The following SH2D6 variants were observed in gnomAD, a reference collection of about 807,000 sequenced individuals.
SH2D6 encodes the protein SH2 domain-containing protein 6.
Under a neutral mutation model 30.2 loss-of-function variants are expected in SH2D6, and 31 were observed. The ratio of observed to expected loss-of-function variants is 1.03; its 90% CI spans 0.77 to 1.38. The LOEUF (loss-of-function observed/expected upper bound fraction) is 1.38, where lower values mean the gene tolerates loss of function less well. SH2D6 is among the 40% of genes most tolerant of loss of function. SH2D6 has a pLI of 0.00. For synonymous variants in SH2D6, 93 were observed against 104.6 expected (o/e 0.89, Z 0.68); for missense variants, 240 against 266.8 (o/e 0.90, Z 0.70).
rs953855560 is a variant in SH2D6 at position 85,422,286 on chromosome 2, A to C, written c.-493A>C. 1.3e-5 allele frequency: 2 copies of C among 152,110 alleles called. No homozygotes were observed. The highest frequency in any genetic ancestry group is 2.9e-5 in the Non-Finnish European group (2 of 68,028). The allele number at this position is 152,110 out of a possible 1,614,324, so 9.4% of individuals were successfully genotyped here. A position where few individuals can be genotyped will look rare whatever the true frequency, so the allele number is the denominator to read the frequency against. ...TGAGGCAGGAGGATTGCTTGAGCCC[A>C]GAAGTTCAAGACCAGCCTGGACAAC... is the stretch of plus-strand genomic sequence containing the variant. On this transcript the variant is annotated 5_prime_UTR_variant, in exon 3 of 24. Coordinates refer to ENST00000469800, the MANE Select transcript of SH2D6 (RefSeq NM_001394463.1).
intron 22 of SH2D6, 45 bp downstream of exon 22, chr2:85,435,869 A>C (rs1002948345): frequency 6.6e-7 from 1 of 1,518,266 alleles, no homozygotes; most frequent in African/African-American, 1.4e-5. Flanking sequence ...ACCACAGAGC[A>C]GTACCCCAGG....
At chr2:85,424,425 T>C (rs887859848) in intron 5 of SH2D6, among the ~76,000 whole-genome samples, 6 of 152,338 alleles carry the variant, frequency 3.9e-5, no homozygotes, top group African/African-American at 1.4e-4. Flanking sequence ...TCTTTCTTTC[T>C]ATCTATATTG....
chr2:85,435,211 G>A (rs2104948849), intron 20 of SH2D6, 88 bp downstream of exon 20: 1 of 1,412,454 alleles, frequency 7.1e-7, no homozygotes, highest in East Asian at 2.3e-5. Flanking sequence ...TGGGCTGAAG[G>A]GTGCACCACT....
rs1436080868 is a variant in SH2D6, at chr2:85,429,982, C to T, written c.31C>T (p.Leu11=). 4 of 152,730 alleles carry T rather than the reference C, an allele frequency of 2.6e-5. No homozygotes were observed. Among genetic ancestry groups the T allele is most frequent in the Non-Finnish European group, 5.9e-5 (4 of 68,182 alleles). The allele number at this position is 152,730 out of a possible 1,614,324, so 9.5% of individuals were successfully genotyped here. A position where few individuals can be genotyped will look rare whatever the true frequency, so the allele number is the denominator to read the frequency against. The part of the protein sequence containing the change: MDKLSGSRPR[L]GPPLPPPRCV... ...GAGTTGACTAGAATGTGCTTGCAGG[C>T]TGGGGCCACCGCTCCCACCCCCCAG... The change falls in exon 10 of 24, where the codon CTG becomes TTG. Residue 11 remains leucine, a splice_region_variant and synonymous_variant. Transcript: ENST00000469800.
chr2:85,431,026 C>T (rs1688561167), intron 12 of SH2D6, among the ~76,000 whole-genome samples, 184 bp from the exon 13 acceptor site: 1 of 152,108 alleles, frequency 6.6e-6, no homozygotes, highest in African/African-American at 2.4e-5. Context: ...AGCTCCTCGG[C>T]CAGGTTGGGG....
chr2:85,434,040 T>A lies in SH2D6; in HGVS notation c.462T>A (p.Ala154=), dbSNP rs1159180738. 3.9e-6 allele frequency: 6 copies of A among 1,550,360 alleles called. No individual in the cohort carries two copies. Among genetic ancestry groups the A allele is most frequent in the Non-Finnish European group, 5.2e-6 (6 of 1,146,920 alleles). The stretch of plus-strand genomic sequence containing the variant: ...TGCCCCTCCCTGTTTCAGTCCTGGC[T>A]TTGACTCAGACTCTCAGCTTCCAAG... ...YLECEPDPVL[A]LTQTLSFQVL... The change falls in exon 17 of 24, where the codon GCT becomes GCA. Residue 154 remains alanine (A), a synonymous_variant. Transcript: ENST00000469800.
At position 85,435,768 on chromosome 2, in the gene SH2D6, C is replaced by G; in HGVS notation, c.835C>G (p.Arg279Gly). 3 of 1,609,394 alleles carry G rather than the reference C, an allele frequency of 1.9e-6. No individual in the cohort carries two copies. Among genetic ancestry groups the G allele is most frequent in the Non-Finnish European group, 2.5e-6 (3 of 1,178,012 alleles). Residue 279 changes from arginine (R) to glycine (G), a missense_variant, in exon 22 of 24, where the codon CGG becomes GGG. Transcript: ENST00000469800. ...CCGGGTCTTCAACATTCCCATCCGG[C>G]GGCTGGATGGCGGACGCCACTATGC... ...RGRVFNIPIR[R>G]LDGGRHYALG...
At chr2:85,436,078 G>C (rs79910203) in intron 22 of SH2D6, among the ~76,000 whole-genome samples, 1,574 of 152,264 alleles carry the variant, frequency 0.01, 12 homozygotes, top group Middle Eastern at 0.017. Context: ...GCTGGGAGGA[G>C]GGCGGGGTCC....
At chr2:85,435,600 A>G (rs1689354299) in intron 21 of SH2D6, 66 bp from the exon 22 acceptor site, 11 of 1,579,410 alleles carry the variant, frequency 7.0e-6, no homozygotes, top group Non-Finnish European at 9.5e-6. Flanking sequence ...TTCTGGCCCC[A>G]TCATGGGTCA....
intron 21 of SH2D6, 60 bp from the exon 22 acceptor site, chr2:85,435,606 G>T: frequency 1.3e-6 from 2 of 1,579,742 alleles, no homozygotes; most frequent in Admixed American, 3.5e-5. Context: ...CCCCATCATG[G>T]GTCAGGGCAG....
At chr2:85,428,005 C>T (rs1279904406) in intron 6 of SH2D6, among the ~76,000 whole-genome samples, 5 of 152,168 alleles carry the variant, frequency 3.3e-5, no homozygotes, top group Non-Finnish European at 2.9e-5. Flanking sequence ...ATAATAAGCA[C>T]AAGAAAGCTC....
chr2:85,434,525 G>T lies in SH2D6; in HGVS notation c.589+28G>T, dbSNP rs893474740. 7 of 1,549,034 alleles carry T rather than the reference G, an allele frequency of 4.5e-6. No homozygotes were observed. In the African/African-American group the frequency reaches 6.9e-5, roughly 15 times the overall value. On this transcript the variant is annotated intron_variant, in intron 19 of 23. Transcript: ENST00000469800. ...GAGTAAAGGCTGGTCCAAAGGTAGTGAGTTATCCCAACTGATTGTTCACAG... is the reference window on the plus strand; with the variant it reads ...GAGTAAAGGCTGGTCCAAAGGTAGTTAGTTATCCCAACTGATTGTTCACAG...
At chr2:85,423,176 C>T (rs1361349524) in intron 5 of SH2D6, among the ~76,000 whole-genome samples, 2 of 152,000 alleles carry the variant, frequency 1.3e-5, no homozygotes, top group African/African-American at 4.8e-5. Flanking sequence ...GCGTGAGCCC[C>T]TGCACCCGGC....
At chr2:85,427,446 C>T (rs1041202248) in intron 6 of SH2D6, among the ~76,000 whole-genome samples, 1 of 152,256 alleles carries the variant, frequency 6.6e-6, no homozygotes, top group African/African-American at 2.4e-5. Context: ...AGGCCAGTGC[C>T]CCCACCCAGA....
At chr2:85,435,580 G>A in intron 21 of SH2D6, 84 bp downstream of exon 21, 1 of 1,586,756 alleles carries the variant, frequency 6.3e-7, no homozygotes, top group Non-Finnish European at 8.6e-7. Context: ...GAGCAGGAGG[G>A]CCAGGAGGGT....
At chr2:85,421,728 CCTCCACTGCTG>C (rs1296011733) in intron 2 of SH2D6, 1 of 152,100 alleles carries the variant, frequency 6.6e-6, no homozygotes, top group African/African-American at 2.4e-5. Flanking sequence ...TGGTCTGGGA[CCTCCACTGCTG>C]AGGAAGGGTC....
At chr2:85,435,518 G>T (rs375756722) in intron 21 of SH2D6, 22 bp downstream of exon 21, 1 of 1,610,740 alleles carries the variant, frequency 6.2e-7, no homozygotes, top group East Asian at 2.2e-5. Context: ...CGGACCCCGG[G>T]TCTTCTCCAA....
At chr2:85,434,312 G>A (rs1226843284) in intron 17 of SH2D6, 28 bp from the exon 18 acceptor site, 3 of 1,539,004 alleles carry the variant, frequency 1.9e-6, no homozygotes, top group African/African-American at 2.8e-5. Flanking sequence ...AAGACCCTGA[G>A]TTCTGTCCCC....
At chr2:85,434,615 C>CT in intron 19 of SH2D6, 118 bp downstream of exon 19, 4 of 923,964 alleles carry the variant, frequency 4.3e-6, no homozygotes, top group Non-Finnish European at 6.1e-6. Context: ...CTTGACTAGA[C>CT]TTAAAAAAAA....
Sources: gnomAD v4.1 joint callset for allele counts (sites outside exome capture counted in the v4.1 genomes callset) on GRCh38, gnomAD v4.1.1 for gene constraint, MANE v1.5 for transcripts, NCBI Gene and HGNC (gene_info 2026-07-23, HGNC 2026-07-21) for gene names.